Variants in PIAS1 observed in about 807,000 individuals in gnomAD.
PIAS1 encodes the protein protein inhibitor of activated STAT 1.
PIAS1 carries 6 observed loss-of-function variants against 71.3 expected under a neutral mutation model. The ratio of observed to expected loss-of-function variants is 0.08; its 90% CI spans 0.05 to 0.17. The LOEUF is 0.17. Ranked by LOEUF, PIAS1 falls within the 10% of genes least tolerant of loss-of-function variation. The probability of loss-of-function intolerance (pLI) is 1.00; values close to 1 mark genes in which losing one functional copy is unlikely to be tolerated. For missense variants in PIAS1, 555 were observed against 793.6 expected (o/e 0.70, Z 3.61); for synonymous variants, 303 against 292.9 (o/e 1.03, Z -0.35).
At chr15:68,073,746 G>C (rs533250332) in intron 1 of PIAS1, among the ~76,000 whole-genome samples, 1 of 152,218 alleles carries the variant, frequency 6.6e-6, no homozygotes, top group African/African-American at 2.4e-5. Flanking sequence ...TAAGGAGATG[G>C]GGCCTCTGAG....
intron 1 of PIAS1, among the ~76,000 whole-genome samples, chr15:68,068,743 G>A (rs186626462): frequency 5.3e-5 from 8 of 151,848 alleles, no homozygotes; most frequent in Non-Finnish European, 8.8e-5. Context: ...ATGAGCCACC[G>A]CCCCTGCCCT....
chr15:68,107,957 A>G (rs1388741090), intron 2 of PIAS1, among the ~76,000 whole-genome samples: 3 of 152,224 alleles, frequency 2.0e-5, no homozygotes, highest in Non-Finnish European at 4.4e-5. Flanking sequence ...CAAGAAAACT[A>G]CTAGAAAATC....
chr15:68,088,981 A>G (rs562656640), intron 2 of PIAS1, among the ~76,000 whole-genome samples: 1 of 152,318 alleles, frequency 6.6e-6, no homozygotes, highest in Admixed American at 6.5e-5. Context: ...GTTTTTGAGA[A>G]CATAGTTTCG....
intron 1 of PIAS1, among the ~76,000 whole-genome samples, chr15:68,055,512 C>G (rs554082417): frequency 2.0e-5 from 3 of 152,116 alleles, no homozygotes; most frequent in South Asian, 2.1e-4. Context: ...TGGTGGAACC[C>G]TTATGACTGG....
At chr15:68,147,894 A>T (rs535738510) in intron 6 of PIAS1, among the ~76,000 whole-genome samples, 238 of 135,690 alleles carry the variant, frequency 1.8e-3, no homozygotes, top group African/African-American at 5.5e-3. Context: ...GTTGTTTCTT[A>T]GTCTAACATT....
chr15:68,080,921 A>C (rs1007271024), intron 1 of PIAS1, among the ~76,000 whole-genome samples: 3 of 152,226 alleles, frequency 2.0e-5, no homozygotes, highest in African/African-American at 7.2e-5. Context: ...TGTGAACAAG[A>C]GTAATTATGT....
chr15:68,063,818 G>C (rs868594604), intron 1 of PIAS1, among the ~76,000 whole-genome samples: 2 of 151,888 alleles, frequency 1.3e-5, no homozygotes. Flanking sequence ...AAAATCAGTG[G>C]TGGGTAAAAC....
intron 2 of PIAS1, among the ~76,000 whole-genome samples, chr15:68,104,170 C>T (rs961519448): frequency 6.6e-6 from 1 of 152,116 alleles, no homozygotes; most frequent in African/African-American, 2.4e-5. Context: ...GTAGATTTCT[C>T]TCTTACAAAT....
At chr15:68,152,922 C>T (rs2092858379) in intron 6 of PIAS1, among the ~76,000 whole-genome samples, 1 of 145,432 alleles carries the variant, frequency 6.9e-6, no homozygotes, top group African/African-American at 2.6e-5. Context: ...TTTTTGGTCC[C>T]CTTCTACCTC....
intron 6 of PIAS1, among the ~76,000 whole-genome samples, chr15:68,152,877 T>A (rs930571982): frequency 6.7e-6 from 1 of 149,960 alleles, no homozygotes; most frequent in African/African-American, 2.4e-5. Context: ...TGATTAACTG[T>A]TTTTTTTTGG....
chr15:68,061,329 T>C (rs1774166262), intron 1 of PIAS1: 2 of 152,230 alleles, frequency 1.3e-5, no homozygotes, highest in South Asian at 4.1e-4. Flanking sequence ...TTTATGACTA[T>C]ATTTCCCCTT....
Position 68,187,923 on chromosome 15 carries a change from C to A in PIAS1, c.*88C>A. The A allele has an allele frequency of 8.0e-7, 1 of 1,254,350 alleles. No individual in the cohort carries two copies. Among genetic ancestry groups the A allele is most frequent in the African/African-American group, 1.5e-5 (1 of 66,532 alleles). 77.7% of individuals were successfully genotyped at this position (1,254,350 alleles called of 1,614,324 possible). On this transcript the variant is annotated 3_prime_UTR_variant, in exon 14 of 14. Coordinates refer to ENST00000249636, the MANE Select transcript of PIAS1 (RefSeq NM_016166.3). This position sits in a 1 kb window ranked among gnomAD's most constrained non-coding sequence, Gnocchi z 5.3. ...ACTTTGTGCTCTGTTTTACCTTACT[C>A]TGTTTAGAAAAGTATACAAGCGTGT...
intron 13 of PIAS1, chr15:68,184,273 T>A (rs2093073713): frequency 6.6e-6 from 1 of 152,314 alleles, no homozygotes; most frequent in Non-Finnish European, 1.5e-5. Flanking sequence ...TGCTCACCAG[T>A]CAGGCAGTCC....
At chr15:68,142,756 A>G (rs894478596) in intron 4 of PIAS1, among the ~76,000 whole-genome samples, 1 of 152,050 alleles carries the variant, frequency 6.6e-6, no homozygotes, top group African/African-American at 2.4e-5. Context: ...AAGTTTTATG[A>G]AAGCATGGGC....
At chr15:68,104,614 A>G (rs992052037) in intron 2 of PIAS1, among the ~76,000 whole-genome samples, 1 of 152,284 alleles carries the variant, frequency 6.6e-6, no homozygotes, top group East Asian at 1.9e-4. Flanking sequence ...GGAGGTAGTG[A>G]TGATGGTGGT....
chr15:68,179,107 A>ACT, intron 11 of PIAS1, among the ~76,000 whole-genome samples: 1 of 152,344 alleles, frequency 6.6e-6, no homozygotes, highest in East Asian at 1.9e-4. Context: ...TATAATAATG[A>ACT]CTAGTTGGTA....
intron 2 of PIAS1, among the ~76,000 whole-genome samples, chr15:68,100,994 C>G (rs773329299): frequency 6.6e-6 from 1 of 151,692 alleles, no homozygotes; most frequent in Non-Finnish European, 1.5e-5. Context: ...CTCCCTGGCT[C>G]AGGTGATCCT....
intron 11 of PIAS1, among the ~76,000 whole-genome samples, chr15:68,179,342 C>T (rs2093038166): frequency 6.6e-6 from 1 of 152,082 alleles, no homozygotes; most frequent in Non-Finnish European, 1.5e-5. Flanking sequence ...ATTTTAAATC[C>T]TCTCTTATAA....
rs927922773 is a variant in PIAS1, at chr15:68,186,579, A to G, written c.1663-963A>G. Among the ~76,000 whole-genome samples, 2 of 152,266 alleles carry G rather than the reference A, an allele frequency of 1.3e-5. No individual in the cohort carries two copies. The highest frequency in any genetic ancestry group is 2.9e-5 in the Non-Finnish European group (2 of 68,048). On this transcript the variant is annotated intron_variant, in intron 13 of 13. Coordinates refer to ENST00000249636, the MANE Select transcript of PIAS1 (RefSeq NM_016166.3). The surrounding 1 kb of genome is among the most constrained non-coding windows in gnomAD (Gnocchi z 4.4). Reference sequence around the variant, plus strand: ...AGTGTACAGTGTTTATAAAGTCTACAGTAGTGTACAATAATGTCCTAAGCC... The same window carrying G: ...AGTGTACAGTGTTTATAAAGTCTACGGTAGTGTACAATAATGTCCTAAGCC...
Sources: gnomAD v4.1 joint callset for allele counts (sites outside exome capture counted in the v4.1 genomes callset) on GRCh38, gnomAD v4.1.1 for gene constraint, Gnocchi (gnomAD v3.1) non-coding constraint, MANE v1.5 for transcripts, NCBI Gene and HGNC (gene_info 2026-07-23, HGNC 2026-07-21) for gene names.